AFG1L: variants seen among roughly 807,000 people sequenced by gnomAD.
AFG1L encodes AFG1 like ATPase, also known as AFG1-like ATPase.
Under a neutral mutation model 62.2 loss-of-function variants are expected in AFG1L, and 53 were observed. That is an observed-to-expected ratio of 0.85 (90% CI 0.68 to 1.07). The LOEUF (loss-of-function observed/expected upper bound fraction) is 1.07. AFG1L is among the 50% of genes least tolerant of loss of function. AFG1L has a pLI of 0.00. For synonymous variants in AFG1L, 228 were observed against 210.3 expected (o/e 1.08, Z -0.73); for missense variants, 555 against 590.5 (o/e 0.94, Z 0.62).
intron 7 of AFG1L, among the ~76,000 whole-genome samples, chr6:108,445,699 G>C (rs1213617123): frequency 6.8e-6 from 1 of 147,180 alleles, no homozygotes; most frequent in African/African-American, 2.6e-5. Flanking sequence ...AGTTGGTATA[G>C]CAGTCAGAAT....
rs781437156 is a variant in AFG1L at position 108,347,024 on chromosome 6, G to A, written c.400G>A (p.Val134Ile). ...SRSKPPRGLY[V>I]YGDVGTGKTM... ...GAGCAAACCTCCAAGGGGCCTGTAT[G>A]TTTATGGAGATGTTGGTAAGTGTGT... The change falls in exon 3 of 13, where the codon GTT (valine) becomes ATT (isoleucine). Residue 134 changes from valine (V) to isoleucine (I), a missense_variant. Physicochemically the swap from Val to Ile is conservative, Grantham distance 29 (BLOSUM62 3). Coordinates refer to ENST00000368977, the MANE Select transcript of AFG1L (RefSeq NM_145315.5). The A allele has an allele frequency of 5.0e-6, 8 of 1,612,948 alleles. No homozygotes were observed. The South Asian group carries it at 6.6e-5, about 13-fold the overall frequency.
chr6:108,377,711 A>G lies in AFG1L; in HGVS notation c.748+11379A>G, dbSNP rs566826666. Among the ~76,000 whole-genome samples the G allele has an allele frequency of 3.3e-5, 5 of 151,792 alleles. No individual in the cohort carries two copies. The East Asian group carries it at 7.8e-4, about 24-fold the overall frequency. ...AACACTGACCTTGGACAGTATGGTG[A>G]CTATATATGTCTTGGTGATGTTCAT... is the stretch of plus-strand genomic sequence containing the variant. On this transcript the variant is annotated intron_variant, in intron 6 of 12. Coordinates refer to ENST00000368977, the MANE Select transcript of AFG1L (RefSeq NM_145315.5).
At chr6:108,432,189 A>T (rs1338972743) in intron 7 of AFG1L, among the ~76,000 whole-genome samples, 1 of 152,026 alleles carries the variant, frequency 6.6e-6, no homozygotes, top group African/African-American at 2.4e-5. Context: ...CCTTATTTAC[A>T]ATATGGGTTG....
At chr6:108,441,546 T>C (rs895840495) in intron 7 of AFG1L, among the ~76,000 whole-genome samples, 3 of 151,998 alleles carry the variant, frequency 2.0e-5, no homozygotes, top group African/African-American at 7.2e-5. Context: ...GCCTTGTAAA[T>C]ATCACTGGAA....
chr6:108,305,862 T>G (rs1777181542), intron 1 of AFG1L, among the ~76,000 whole-genome samples: 1 of 152,206 alleles, frequency 6.6e-6, no homozygotes, highest in African/African-American at 2.4e-5. Flanking sequence ...TGATTGTGAA[T>G]TATTTGCTGT....
At chr6:108,381,412 G>A (rs1458912950) in intron 6 of AFG1L, among the ~76,000 whole-genome samples, 1 of 150,124 alleles carries the variant, frequency 6.7e-6, no homozygotes, top group Non-Finnish European at 1.5e-5. Flanking sequence ...AAAGATTCTA[G>A]TGTCAGGACC....
chr6:108,389,171 TC>T (rs923220733), intron 6 of AFG1L, among the ~76,000 whole-genome samples: 3 of 152,186 alleles, frequency 2.0e-5, no homozygotes, highest in African/African-American at 7.2e-5. Flanking sequence ...TGGTTTAAAG[TC>T]TGTTTTTTGA....
intron 7 of AFG1L, among the ~76,000 whole-genome samples, chr6:108,440,599 A>G (rs1771502116): frequency 6.6e-6 from 1 of 151,668 alleles, no homozygotes. Context: ...GCAATTTGGG[A>G]GGCTGAGGCA....
At chr6:108,417,990 C>T (rs772821300) in intron 7 of AFG1L, among the ~76,000 whole-genome samples, 8 of 152,008 alleles carry the variant, frequency 5.3e-5, no homozygotes, top group East Asian at 1.9e-4. Context: ...CCTGCCACCA[C>T]GCCAGCTAAT....
At chr6:108,454,533 A>G (rs889645558) in intron 8 of AFG1L, among the ~76,000 whole-genome samples, 1 of 152,194 alleles carries the variant, frequency 6.6e-6, no homozygotes, top group Non-Finnish European at 1.5e-5. Flanking sequence ...CCTGCTTGCC[A>G]GGTACAATTA....
At chr6:108,431,771 A>ACGGG (rs1409171043) in intron 7 of AFG1L, among the ~76,000 whole-genome samples, 2 of 151,404 alleles carry the variant, frequency 1.3e-5, no homozygotes, top group African/African-American at 4.9e-5. Flanking sequence ...TTTAGTAGAG[A>ACGGG]CGGGGTTTCA....
At chr6:108,343,765 G>T (rs562271285) in intron 2 of AFG1L, among the ~76,000 whole-genome samples, 1 of 152,170 alleles carries the variant, frequency 6.6e-6, no homozygotes, top group Non-Finnish European at 1.5e-5. Context: ...GTAGAAAACT[G>T]TTTTGAGTGG....
At chr6:108,351,171 G>A (rs541321917) in intron 3 of AFG1L, among the ~76,000 whole-genome samples, 59 of 152,258 alleles carry the variant, frequency 3.9e-4, no homozygotes, top group Non-Finnish European at 6.8e-4. Flanking sequence ...TGAAGGCTGA[G>A]GACATTTCTG....
intron 1 of AFG1L, among the ~76,000 whole-genome samples, chr6:108,316,941 C>T (rs1394250732): frequency 1.3e-5 from 2 of 152,194 alleles, no homozygotes; most frequent in African/African-American, 4.8e-5. Flanking sequence ...ATTTAAAATC[C>T]ATTATTAATT....
At chr6:108,300,960 C>A (rs1776973588) in intron 1 of AFG1L, among the ~76,000 whole-genome samples, 1 of 152,202 alleles carries the variant, frequency 6.6e-6, no homozygotes, top group African/African-American at 2.4e-5. Context: ...GCGTGAGCCA[C>A]CACGCCCGGC....
At chr6:108,399,615 A>G (rs1000615467) in intron 6 of AFG1L, among the ~76,000 whole-genome samples, 2 of 137,668 alleles carry the variant, frequency 1.5e-5, no homozygotes, top group African/African-American at 5.4e-5. Flanking sequence ...GATTTTTGTT[A>G]TGTTGATTTT....
chr6:108,377,363 T>G (rs2114538919), intron 6 of AFG1L, among the ~76,000 whole-genome samples: 1 of 152,220 alleles, frequency 6.6e-6, no homozygotes, highest in South Asian at 2.1e-4. Flanking sequence ...CTTAAGTGTG[T>G]TTTTGTGGTA....
At chr6:108,510,496 G>A (rs1474459274) in intron 11 of AFG1L, 144 bp downstream of exon 11, 1 of 645,428 alleles carries the variant, frequency 1.5e-6, no homozygotes, top group Admixed American at 3.4e-5. Context: ...AATTGGGGAT[G>A]ATAATATTAT....
intron 2 of AFG1L, among the ~76,000 whole-genome samples, chr6:108,338,550 GTCTT>G (rs1778557839): frequency 6.6e-6 from 1 of 151,984 alleles, no homozygotes; most frequent in Admixed American, 6.6e-5. Context: ...GTCCAGGTTG[GTCTT>G]GAACTCCTGG....
Sources: gnomAD v4.1 joint callset for allele counts (sites outside exome capture counted in the v4.1 genomes callset) on GRCh38, gnomAD v4.1.1 for gene constraint, MANE v1.5 for transcripts, NCBI Gene and HGNC (gene_info 2026-07-23, HGNC 2026-07-21) for gene names.